ECM2: variants seen among roughly 807,000 people sequenced by gnomAD.
ECM2 encodes extracellular matrix protein 2, female organ and adipocyte specific.
In ECM2, 57 loss-of-function variants were observed where a neutral mutation model predicts 67.5. The observed-to-expected ratio is 0.84, with a 90% CI of 0.68 to 1.05. ECM2 has a LOEUF of 1.05. Among genes scored for constraint, ECM2 ranks in the 50% least tolerant of loss-of-function variants. The pLI, the probability that ECM2 is intolerant of heterozygous loss-of-function variation, is 0.00. For missense variants in ECM2, 741 were observed against 822.8 expected (o/e 0.90, Z 1.22); for synonymous variants, 258 against 294.5 (o/e 0.88, Z 1.27).
In ECM2 at chr9:92,496,342, G is replaced by A; in HGVS notation, c.2073C>T (p.Ile691=). ...TFSCIRSYSS[I]VLKPQNIK ...ACTTGATGTTTTGTGGTTTAAGAAC[G>A]ATACTTGAGTATGATCTTATGCATG... Residue 691 remains isoleucine, a synonymous_variant, in exon 10 of 10, where the codon ATC becomes ATT. Coordinates refer to ENST00000344604, the MANE Select transcript of ECM2 (RefSeq NM_001393.4). The A allele has an allele frequency of 6.3e-7, 1 of 1,594,776 alleles. No individual in the cohort carries two copies. The highest frequency in any genetic ancestry group is 2.3e-5 in the East Asian group (1 of 44,158).
chr9:92,526,751 C>T (rs1848438053), intron 1 of ECM2, among the ~76,000 whole-genome samples: 1 of 151,756 alleles, frequency 6.6e-6, no homozygotes, highest in South Asian at 2.1e-4. Flanking sequence ...TTACAGTAAG[C>T]TAAGGTTAAT....
chr9:92,538,538 G>A (rs934940736), upstream of ECM2, among the ~76,000 whole-genome samples: 5 of 152,136 alleles, frequency 3.3e-5, no homozygotes, highest in African/African-American at 9.7e-5. Context: ...ACAGCACTGA[G>A]GAATACCAGT....
chr9:92,521,625 C>T (rs1848075947), intron 2 of ECM2, among the ~76,000 whole-genome samples: 1 of 152,048 alleles, frequency 6.6e-6, no homozygotes, highest in South Asian at 2.1e-4. Context: ...TATACTTTTT[C>T]CTTCCAAATT....
chr9:92,545,134 C>T, the ECM2 span, among the ~76,000 whole-genome samples: 287 of 152,344 alleles, frequency 1.9e-3, 1 homozygote, highest in African/African-American at 6.3e-3. Flanking sequence ...GCCTCAGCGC[C>T]CACTCTGGCC....
intron 4 of ECM2, among the ~76,000 whole-genome samples, chr9:92,512,688 T>G (rs1368522111): frequency 6.6e-6 from 1 of 152,192 alleles, no homozygotes; most frequent in East Asian, 1.9e-4. Flanking sequence ...TGCTTTAATT[T>G]TATAGGTTTT....
chr9:92,526,004 T>C (rs1486223146), intron 1 of ECM2, among the ~76,000 whole-genome samples: 3 of 152,116 alleles, frequency 2.0e-5, no homozygotes, highest in Non-Finnish European at 4.4e-5. Context: ...ATACTTTTTA[T>C]CATTGTTTTA....
the ECM2 span, among the ~76,000 whole-genome samples, chr9:92,543,459 G>A: frequency 2.1e-5 from 2 of 95,086 alleles, no homozygotes; most frequent in East Asian, 3.6e-4. Context: ...GTGACAGAGT[G>A]AAACCCTGTC....
chr9:92,547,948 T>C, the ECM2 span, among the ~76,000 whole-genome samples: 101,156 of 152,090 alleles, frequency 0.67, 35,332 homozygotes, highest in African/African-American at 0.89. Context: ...AGTTTTTCCT[T>C]CATTTTCTTA....
intron 1 of ECM2, among the ~76,000 whole-genome samples, chr9:92,531,734 G>A (rs187825396): frequency 1.8e-4 from 27 of 151,920 alleles, no homozygotes; most frequent in African/African-American, 6.0e-4. Flanking sequence ...ATTTTCCTTC[G>A]TTCCTTCCTA....
the ECM2 span, among the ~76,000 whole-genome samples, chr9:92,552,049 G>GTCTATCATATATGTGATATAGA: frequency 2.2e-4 from 18 of 81,866 alleles, 6 homozygotes; most frequent in African/African-American, 1.3e-3. Context: ...GATATTATAG[G>GTCTATCATATATGTGATATAGA]TCTATCATAT....
At chr9:92,553,731 T>A in the ECM2 span, among the ~76,000 whole-genome samples, 5 of 152,226 alleles carry the variant, frequency 3.3e-5, no homozygotes, top group Admixed American at 2.6e-4. Flanking sequence ...CCTGTTAGTG[T>A]ATAGAAGAGC....
chr9:92,518,400 C>G (rs1163139777), intron 2 of ECM2, among the ~76,000 whole-genome samples: 1 of 152,128 alleles, frequency 6.6e-6, no homozygotes, highest in African/African-American at 2.4e-5. Context: ...AGCCGCCAGC[C>G]AATCCAGTTC....
At chr9:92,500,621 ATT>A in intron 9 of ECM2, 104 bp downstream of exon 9, 2 of 1,164,738 alleles carry the variant, frequency 1.7e-6, no homozygotes, top group Non-Finnish European at 2.4e-6. Context: ...CCTTAGCACC[ATT>A]TTTTTTTCCC....
the ECM2 span, among the ~76,000 whole-genome samples, chr9:92,546,572 C>T: frequency 9.9e-5 from 15 of 152,042 alleles, no homozygotes; most frequent in South Asian, 2.1e-4. Context: ...CCTGAGCCAG[C>T]GAGACCACGA....
chr9:92,546,974 A>T, the ECM2 span, among the ~76,000 whole-genome samples: 1 of 152,172 alleles, frequency 6.6e-6, no homozygotes, highest in Admixed American at 6.6e-5. Flanking sequence ...ACTGACAGGG[A>T]CGTCAGAAGG....
At chr9:92,506,930 C>G (rs1018671649) in intron 6 of ECM2, among the ~76,000 whole-genome samples, 1 of 152,012 alleles carries the variant, frequency 6.6e-6, no homozygotes, top group African/African-American at 2.4e-5. Flanking sequence ...TATTTAGAGA[C>G]AGAGTCTTGC....
chr9:92,554,794 C>T, the ECM2 span, among the ~76,000 whole-genome samples: 5 of 152,140 alleles, frequency 3.3e-5, no homozygotes, highest in Admixed American at 2.0e-4. Context: ...CCTGCCACTG[C>T]GCCCGGCTTA....
intron 9 of ECM2, among the ~76,000 whole-genome samples, chr9:92,497,025 A>G (rs1846386197): frequency 6.6e-6 from 1 of 152,134 alleles, no homozygotes; most frequent in African/African-American, 2.4e-5. Flanking sequence ...AGAATGCAAA[A>G]TGGTGCGCCA....
At chr9:92,556,124 C>T in the ECM2 span, among the ~76,000 whole-genome samples, 1 of 152,006 alleles carries the variant, frequency 6.6e-6, no homozygotes, top group African/African-American at 2.4e-5. Context: ...TTTTAATTTC[C>T]ATCTTGATTT....
Sources: gnomAD v4.1 joint callset for allele counts (sites outside exome capture counted in the v4.1 genomes callset) on GRCh38, gnomAD v4.1.1 for gene constraint, MANE v1.5 for transcripts, NCBI Gene and HGNC (gene_info 2026-07-23, HGNC 2026-07-21) for gene names.